VEPH1: variants seen among roughly 807,000 people sequenced by gnomAD.
VEPH1 encodes ventricular zone-expressed PH domain-containing protein homolog 1.
A neutral mutation model predicts 85.2 loss-of-function variants in VEPH1; 80 were observed. The observed-to-expected ratio is 0.94, with a 90% CI of 0.78 to 1.13. The LOEUF is 1.13. Ranked by LOEUF, VEPH1 falls within the 50% of genes most tolerant of loss-of-function variation. The pLI is 0.00. For synonymous variants in VEPH1, 297 were observed against 348.0 expected, an observed-to-expected ratio of 0.85 and a Z score of 1.63; for missense variants, 955 against 980.5, an observed-to-expected ratio of 0.97 and a Z score of 0.35.
chr3:157,483,734 G>T (rs181966503), intron 2 of VEPH1, among the ~76,000 whole-genome samples: 1 of 152,112 alleles, frequency 6.6e-6, no homozygotes, highest in African/African-American at 2.4e-5. Flanking sequence ...AAATATTGAA[G>T]ATAAAATAGG....
intron 6 of VEPH1, among the ~76,000 whole-genome samples, chr3:157,404,257 G>C (rs1028741705): frequency 2.0e-4 from 30 of 152,106 alleles, no homozygotes; most frequent in African/African-American, 7.0e-4. Context: ...CCAGGGCCAC[G>C]AGGAGGTATA....
chr3:157,352,023 T>G (rs1033117424), intron 9 of VEPH1, among the ~76,000 whole-genome samples: 3 of 152,228 alleles, frequency 2.0e-5, no homozygotes, highest in African/African-American at 7.2e-5. Context: ...GGTTGTATGT[T>G]TGTTGCATAA....
chr3:157,336,362 G>A (rs1453584317), intron 9 of VEPH1, among the ~76,000 whole-genome samples: 1 of 152,152 alleles, frequency 6.6e-6, no homozygotes, highest in African/African-American at 2.4e-5. Flanking sequence ...CATTACTGAG[G>A]AACCATTTGC....
intron 7 of VEPH1, among the ~76,000 whole-genome samples, chr3:157,367,191 AAT>A (rs1336947515): frequency 3.2e-4 from 49 of 152,258 alleles, no homozygotes; most frequent in Non-Finnish European, 2.9e-5. Context: ...GCATAAATAA[AAT>A]ATACATTGGT....
chr3:157,372,505 A>G (rs908039736), intron 7 of VEPH1, among the ~76,000 whole-genome samples: 6 of 152,172 alleles, frequency 3.9e-5, no homozygotes, highest in Non-Finnish European at 8.8e-5. Flanking sequence ...CTCAACTGTA[A>G]CCCATCTTAG....
At chr3:157,386,592 A>AG (rs1402940690) in intron 6 of VEPH1, among the ~76,000 whole-genome samples, 4 of 152,116 alleles carry the variant, frequency 2.6e-5, no homozygotes, top group African/African-American at 9.7e-5. Context: ...GGAGAATGGG[A>AG]GGGCTAGTGG....
At chr3:157,470,167 C>G in intron 3 of VEPH1, 147 bp downstream of exon 3, 1 of 704,298 alleles carries the variant, frequency 1.4e-6, no homozygotes, top group Non-Finnish European at 2.4e-6. Flanking sequence ...TTATTAATTA[C>G]CGGCCCTCCC....
At chr3:157,272,350 CTCTCT>C (rs1714723559) in intron 12 of VEPH1, among the ~76,000 whole-genome samples, 1 of 145,352 alleles carries the variant, frequency 6.9e-6, no homozygotes, top group African/African-American at 2.6e-5. Context: ...TTCTCTTTTT[CTCTCT>C]CTTTCTTTCT....
chr3:157,426,442 T>G (rs1732760574), intron 5 of VEPH1, among the ~76,000 whole-genome samples: 1 of 152,146 alleles, frequency 6.6e-6, no homozygotes, highest in African/African-American at 2.4e-5. Flanking sequence ...ATCTGAGAAA[T>G]CAAAATAGAG....
intron 2 of VEPH1, among the ~76,000 whole-genome samples, chr3:157,486,607 T>C (rs1272465287): frequency 1.3e-5 from 2 of 152,198 alleles, no homozygotes; most frequent in African/African-American, 4.8e-5. Context: ...AGTTACATTA[T>C]TAGCCTTTCT....
chr3:157,348,742 C>G (rs1049033395), intron 9 of VEPH1, among the ~76,000 whole-genome samples: 2 of 152,212 alleles, frequency 1.3e-5, no homozygotes, highest in African/African-American at 4.8e-5. Context: ...TCTCTACTCC[C>G]CTGCTGCACT....
rs775338909 is a variant in VEPH1, at chr3:157,437,059, G to A, written c.530-8571C>T. Reference sequence around the variant, plus strand: ...TAGACAATGGACTCCATCCCACTGAGGACCGTAAGTTCACTTTAACTGTTT... The same window carrying A: ...TAGACAATGGACTCCATCCCACTGAAGACCGTAAGTTCACTTTAACTGTTT... On this transcript the variant is annotated intron_variant, in intron 4 of 13. Transcript: ENST00000362010. 7 of 1,613,786 alleles carry A rather than the reference G, an allele frequency of 4.3e-6. No individual in the cohort carries two copies. In the East Asian group the frequency reaches 1.6e-4, roughly 36 times the overall value.
intron 6 of VEPH1, among the ~76,000 whole-genome samples, chr3:157,386,772 G>T (rs769248491): frequency 6.6e-6 from 1 of 152,316 alleles, no homozygotes; most frequent in African/African-American, 2.4e-5. Context: ...ATATGACTAC[G>T]AGTACAGTGT....
intron 4 of VEPH1, among the ~76,000 whole-genome samples, chr3:157,444,593 A>G (rs937030243): frequency 3.3e-5 from 5 of 152,206 alleles, no homozygotes; most frequent in Admixed American, 1.3e-4. Flanking sequence ...GCCATTGTCT[A>G]TATGACTTGA....
intron 2 of VEPH1, among the ~76,000 whole-genome samples, chr3:157,480,156 AT>A (rs200239624): frequency 0.01 from 1,494 of 146,566 alleles, 23 homozygotes; most frequent in East Asian, 0.069. Context: ...TTTTGGATGG[AT>A]AAAAGTGTCT....
intron 12 of VEPH1, among the ~76,000 whole-genome samples, chr3:157,279,176 C>T (rs1470118687): frequency 3.3e-5 from 5 of 151,902 alleles, no homozygotes; most frequent in Non-Finnish European, 7.4e-5. Flanking sequence ...GTAGTAAGAG[C>T]GTTACTCCAA....
At chr3:157,387,467 A>G (rs966850254) in intron 6 of VEPH1, among the ~76,000 whole-genome samples, 1 of 152,244 alleles carries the variant, frequency 6.6e-6, no homozygotes, top group Non-Finnish European at 1.5e-5. Flanking sequence ...TTGCACAGGT[A>G]TAATATAGCT....
chr3:157,433,795 G>A (rs538660215), intron 4 of VEPH1, among the ~76,000 whole-genome samples: 13 of 152,260 alleles, frequency 8.5e-5, no homozygotes, highest in Admixed American at 4.6e-4. Flanking sequence ...TGTACAAAAC[G>A]GGGATTATGT....
chr3:157,412,005 C>T (rs74381869), intron 6 of VEPH1, among the ~76,000 whole-genome samples: 11 of 152,156 alleles, frequency 7.2e-5, no homozygotes, highest in Middle Eastern at 3.2e-3. Flanking sequence ...CTGCTGCTCT[C>T]ATGATAGTGA....
Sources: allele counts gnomAD v4.1 joint callset (sites outside exome capture counted in the v4.1 genomes callset), GRCh38; gene constraint gnomAD v4.1.1; transcripts MANE v1.5; gene names NCBI Gene and HGNC (gene_info 2026-07-23, HGNC 2026-07-21).